The following HOXA3 variants were observed in gnomAD, a reference collection of about 807,000 sequenced individuals.
HOXA3 encodes homeobox protein Hox-A3.
In HOXA3, 8 loss-of-function variants were observed where a neutral mutation model predicts 30.3. The observed-to-expected ratio is 0.26, with a 90% CI of 0.15 to 0.48. The LOEUF is 0.48. HOXA3 is among the 20% of genes least tolerant of loss of function. The pLI is 0.99. For missense variants in HOXA3, 653 were observed against 614.4 expected (o/e 1.06, Z -0.66); for synonymous variants, 323 against 273.1 (o/e 1.18, Z -1.80).
At chr7:27,109,749 G>A (rs188349484) in intron 5 of HOXA3, among the ~76,000 whole-genome samples, 1 of 152,342 alleles carries the variant, frequency 6.6e-6, no homozygotes, top group Non-Finnish European at 1.5e-5. Context: ...TCAGTAAGGG[G>A]AGGATGTCAC....
At position 27,113,319 on chromosome 7, in the gene HOXA3, T is replaced by C. The variant is rs1424761264; in HGVS notation, c.-120-2559A>G. ...CGCTCCCTCTTCCCATTCCCTCCTC[T>C]TTCTTAGCCTTCCCTCACCCCAAAT... On this transcript the variant is annotated intron_variant, in intron 4 of 5. Transcript: ENST00000612286. This position sits in a 1 kb window ranked among gnomAD's most constrained non-coding sequence, Gnocchi z 4.8. Among the ~76,000 whole-genome samples, 1 of 152,194 alleles carries C rather than the reference T, an allele frequency of 6.6e-6. No individual in the cohort carries two copies. Among genetic ancestry groups the C allele is most frequent in the Non-Finnish European group, 1.5e-5 (1 of 68,030 alleles).
intron 3 of HOXA3, among the ~76,000 whole-genome samples, chr7:27,125,917 C>A (rs1031714875): frequency 3.8e-4 from 58 of 152,202 alleles, no homozygotes; most frequent in Middle Eastern, 3.4e-3. Context: ...TCCACCCCAC[C>A]CCACCCCATA....
At chr7:27,116,966 A>G (rs983507171) in intron 4 of HOXA3, among the ~76,000 whole-genome samples, 4 of 152,124 alleles carry the variant, frequency 2.6e-5, no homozygotes, top group African/African-American at 9.7e-5. Context: ...ACGTACAGAA[A>G]GAAATAATCT....
At chr7:27,143,722 T>G in intron 1 of HOXA3, 1 of 1,448,438 alleles carries the variant, frequency 6.9e-7, no homozygotes, top group Non-Finnish European at 9.1e-7. Context: ...CTTGGTTCCC[T>G]CCTACGTAGG....
chr7:27,145,056 C>G (rs1782702598), intron 1 of HOXA3, among the ~76,000 whole-genome samples: 2 of 152,212 alleles, frequency 1.3e-5, no homozygotes, highest in Non-Finnish European at 2.9e-5. Context: ...CACGCGGGAC[C>G]GAGAGACTGG....
intron 4 of HOXA3, chr7:27,115,570 CCGTAAGAA>C (rs1261509728): frequency 5.3e-5 from 8 of 152,278 alleles, no homozygotes; most frequent in African/African-American, 1.7e-4. Flanking sequence ...GGCCAGCTCT[CCGTAAGAA>C]CCTGCCAGGG....
At chr7:27,148,883 T>C (rs1782877539) in intron 1 of HOXA3, among the ~76,000 whole-genome samples, 1 of 152,230 alleles carries the variant, frequency 6.6e-6, no homozygotes. Context: ...AGAGGGCAGC[T>C]CTGCAGGGCC....
intron 2 of HOXA3, among the ~76,000 whole-genome samples, chr7:27,135,995 G>T (rs1785699264): frequency 1.3e-5 from 2 of 152,268 alleles, no homozygotes; most frequent in Non-Finnish European, 1.5e-5. Context: ...AACCACTAGG[G>T]TTCACCTGGA....
intron 1 of HOXA3, chr7:27,141,113 CAAAAAAA>C (rs147485948): frequency 2.8e-4 from 23 of 82,920 alleles, no homozygotes; most frequent in African/African-American, 7.4e-4. Flanking sequence ...AAAACAAATA[CAAAAAAA>C]AAAAAAAAAA....
chr7:27,132,805 T>G (rs1399605685), intron 2 of HOXA3, among the ~76,000 whole-genome samples: 1 of 152,220 alleles, frequency 6.6e-6, no homozygotes, highest in Non-Finnish European at 1.5e-5. Context: ...ATTACAAATC[T>G]GAACCCTATA....
At chr7:27,145,458 T>A (rs1382981858) in intron 1 of HOXA3, 3 of 224,994 alleles carry the variant, frequency 1.3e-5, no homozygotes, top group Non-Finnish European at 1.5e-5. Context: ...TTTTGTTTTG[T>A]TTTGTTTTGT....
At position 27,107,764 on chromosome 7, in the gene HOXA3, G is replaced by A. The variant is rs934943116; in HGVS notation, c.*151C>T. On this transcript the variant is annotated 3_prime_UTR_variant, in exon 6 of 6. Coordinates refer to ENST00000612286, the MANE Select transcript of HOXA3 (RefSeq NM_153631.3). ...ATAAAAACGCCTTACCAACGAGGGG[G>A]GAAACCGGGAAACGGAGTGCGGGGC... is the stretch of plus-strand genomic sequence containing the variant. 17 of 546,108 alleles carry A rather than the reference G, an allele frequency of 3.1e-5. No individual in the cohort carries two copies. The highest frequency in any genetic ancestry group is 5.2e-5 in the Non-Finnish European group (17 of 323,922). The allele number at this position is 546,108 out of a possible 1,614,324, so 33.8% of individuals were successfully genotyped here. A position where few individuals can be genotyped will look rare whatever the true frequency, so the allele number is the denominator to read the frequency against.
At position 27,143,090 on chromosome 7, in the gene HOXA3, T is replaced by C. The variant is rs1035739395; in HGVS notation, c.-493-2904A>G. On this transcript the variant is annotated intron_variant, in intron 1 of 5. Transcript: ENST00000612286. The stretch of plus-strand genomic sequence containing the variant: ...GCGCATCCAGGGGTAGATCTGGGGT[T>C]GGGCGGGCGGCGCCGGGCTCGGCTC... The C allele has an allele frequency of 1.9e-6, 3 of 1,555,474 alleles. No individual in the cohort carries two copies. The African/African-American group carries it at 4.2e-5, about 22-fold the overall frequency.
chr7:27,141,330 G>C (rs1397711067), intron 1 of HOXA3: 1 of 154,738 alleles, frequency 6.5e-6, no homozygotes, highest in East Asian at 1.9e-4. Context: ...ACTACACGTC[G>C]AACAAGTTGT....
At chr7:27,125,209 C>A (rs1785230511) in intron 3 of HOXA3, among the ~76,000 whole-genome samples, 1 of 152,206 alleles carries the variant, frequency 6.6e-6, no homozygotes, top group Non-Finnish European at 1.5e-5. Context: ...TGCATTCCAC[C>A]CTCGTACTCA....
intron 4 of HOXA3, chr7:27,115,862 T>C (rs1040539035): frequency 5.2e-5 from 8 of 152,570 alleles, no homozygotes; most frequent in Admixed American, 2.6e-4. Flanking sequence ...GGCATGCAGA[T>C]GGTCGGTGCC....
chr7:27,118,493 G>A (rs1438144184), intron 4 of HOXA3, among the ~76,000 whole-genome samples: 3 of 152,200 alleles, frequency 2.0e-5, no homozygotes, highest in African/African-American at 7.2e-5. Context: ...TAGCTTTGGG[G>A]GAGGGTAGGT....
At chr7:27,130,106 G>C in intron 2 of HOXA3, 1 of 1,591,214 alleles carries the variant, frequency 6.3e-7, no homozygotes, top group Non-Finnish European at 8.5e-7. Context: ...CCTCCCAAGC[G>C]GCGCCACGTA....
intron 2 of HOXA3, among the ~76,000 whole-genome samples, chr7:27,127,745 C>T (rs1359605273): frequency 6.6e-6 from 1 of 152,066 alleles, no homozygotes. Context: ...TCTCTGGAAT[C>T]GAGCAGAAAA....
Sources: gnomAD v4.1 joint callset for allele counts (sites outside exome capture counted in the v4.1 genomes callset) on GRCh38, gnomAD v4.1.1 for gene constraint, Gnocchi (gnomAD v3.1) non-coding constraint, MANE v1.5 for transcripts, NCBI Gene and HGNC (gene_info 2026-07-23, HGNC 2026-07-21) for gene names.